BRF1: variants seen among roughly 807,000 people sequenced by gnomAD.
The protein encoded by BRF1 is transcription factor IIIB 90 kDa subunit.
BRF1 carries 59 observed loss-of-function variants against 81.7 expected under a neutral mutation model. The ratio of observed to expected loss-of-function variants is 0.72; its 90% CI spans 0.59 to 0.90. The LOEUF (loss-of-function observed/expected upper bound fraction) is 0.90, where lower values mean the gene tolerates loss of function less well. Ranked by LOEUF, BRF1 falls within the 40% of genes least tolerant of loss-of-function variation. The pLI, the probability that BRF1 is intolerant of heterozygous loss-of-function variation, is 0.00. For missense variants in BRF1, 1,050 were observed against 936.3 expected (o/e 1.12, Z -1.58); for synonymous variants, 491 against 395.6 (o/e 1.24, Z -2.86).
rs149145596 is a variant in BRF1, at chr14:105,258,721, C to T, written c.440-2172G>A. Among the ~76,000 whole-genome samples the T allele has an allele frequency of 3.3e-3, 501 of 152,006 alleles. 3 individuals are homozygous for T. Among genetic ancestry groups the T allele is most frequent in the East Asian group, 0.014 (73 of 5,166 alleles). Reference sequence around the variant, plus strand: ...GGCTGAGGTGGGAGAATTGCTTGAACCCAGGAAGCAGAAGTTGCAGTAAGC... The same window carrying T: ...GGCTGAGGTGGGAGAATTGCTTGAATCCAGGAAGCAGAAGTTGCAGTAAGC... On this transcript the variant is annotated intron_variant, in intron 3 of 17. Transcript: ENST00000547530.
Position 105,210,488 on chromosome 14 carries a change from G to A in BRF1, c.*63C>T, listed in dbSNP as rs1262380636. On this transcript the variant is annotated 3_prime_UTR_variant, in exon 18 of 18. Coordinates refer to ENST00000547530, the MANE Select transcript of BRF1 (RefSeq NM_001519.4). This position sits in a 1 kb window ranked among gnomAD's most constrained non-coding sequence, Gnocchi z 4.7. ...CTGCCTGCTGCGGTCCTGGAAGCCC[G>A]TCTGATGCTGAGGAGACCCGCGAGG... 16 of 1,589,208 alleles carry A rather than the reference G, an allele frequency of 1.0e-5. No homozygotes were observed. The highest frequency in any genetic ancestry group is 2.3e-5 in the East Asian group (1 of 44,292).
rs1044922883 is a variant in BRF1, at chr14:105,284,468, G to A, written c.265+1828C>T. Among the ~76,000 whole-genome samples the A allele has an allele frequency of 2.6e-5, 4 of 152,138 alleles. No individual in the cohort carries two copies. Among genetic ancestry groups the A allele is most frequent in the Admixed American group, 6.5e-5 (1 of 15,270 alleles). ...AGCAGAGGCAGGTGCTCAAGAGCCC[G>A]GCCTCCTGGAGATGGCCCAGGAGAA... is the stretch of plus-strand genomic sequence containing the variant. On this transcript the variant is annotated intron_variant, in intron 2 of 17. Coordinates refer to ENST00000547530, the MANE Select transcript of BRF1 (RefSeq NM_001519.4). The surrounding 1 kb of genome is among the most constrained non-coding windows in gnomAD (Gnocchi z 4.0).
rs2055359333 is a variant in BRF1 at position 105,248,916 on chromosome 14, C to T, written c.544+3591G>A. 4.1e-6 allele frequency: 4 copies of T among 986,794 alleles called. No homozygotes were observed. In the African/African-American group the frequency reaches 5.3e-5, roughly 13 times the overall value. The allele number at this position is 986,794 out of a possible 1,614,324, so 61.1% of individuals were successfully genotyped here. A position where few individuals can be genotyped will look rare whatever the true frequency, so the allele number is the denominator to read the frequency against. On this transcript the variant is annotated intron_variant, in intron 5 of 17. Transcript: ENST00000547530. ...TCCCGCCAGCGCCGCGGCCGCGGAC[C>T]TAGCCAACAGCAACGCCGGCGCCGC...
At chr14:105,313,944 C>T (rs1239661096) in intron 1 of BRF1, among the ~76,000 whole-genome samples, 1 of 152,258 alleles carries the variant, frequency 6.6e-6, no homozygotes, top group Non-Finnish European at 1.5e-5. Flanking sequence ...CACTGTTAAC[C>T]CCAGGGCCAG....
chr14:105,215,822 CAT>C (rs1392277102), intron 15 of BRF1, among the ~76,000 whole-genome samples: 1,796 of 145,132 alleles, frequency 0.012, 61 homozygotes, highest in African/African-American at 0.045. Flanking sequence ...GGCACACACA[CAT>C]GCACACACAC....
At position 105,209,584 on chromosome 14, in the gene BRF1, G is replaced by A. The variant is rs772132321; in HGVS notation, c.*967C>T. On this transcript the variant is annotated 3_prime_UTR_variant, in exon 18 of 18. Transcript: ENST00000547530. ...GCCAGAGCTGAGACCTCCTACGAGTGGTACTGGGGCCTTCCCACGAAGAGG... is the reference window on the plus strand; with the variant it reads ...GCCAGAGCTGAGACCTCCTACGAGTAGTACTGGGGCCTTCCCACGAAGAGG... 2.8e-6 allele frequency: 2 copies of A among 702,606 alleles called. No individual in the cohort carries two copies. Among genetic ancestry groups the A allele is most frequent in the Non-Finnish European group, 5.2e-6 (2 of 384,808 alleles). The allele number at this position is 702,606 out of a possible 1,614,324, so 43.5% of individuals were successfully genotyped here.
At chr14:105,280,858 GTGTGGATACAGCCCA>G (rs2057051746) in intron 2 of BRF1, among the ~76,000 whole-genome samples, 1 of 150,986 alleles carries the variant, frequency 6.6e-6, no homozygotes, top group Non-Finnish European at 1.5e-5. Flanking sequence ...GAGCCCGGGT[GTGTGGATACAGCCCA>G]CGTGACCCTG....
At chr14:105,273,711 A>G (rs1449450477) in intron 2 of BRF1, among the ~76,000 whole-genome samples, 2 of 152,200 alleles carry the variant, frequency 1.3e-5, no homozygotes, top group East Asian at 3.8e-4. Flanking sequence ...CACAGGCAGT[A>G]TGCTTGGTAA....
In BRF1 at chr14:105,248,202, C is replaced by A. The variant is rs897078396; in HGVS notation, c.544+4305G>T. ...TGCTGGCGTCCGTAGCAAGCTAAAT[C>A]GCGAAGCATCTGAACGAACGAGGAA... On this transcript the variant is annotated intron_variant, in intron 5 of 17. Coordinates refer to ENST00000547530, the MANE Select transcript of BRF1 (RefSeq NM_001519.4). 7.1e-6 allele frequency: 7 copies of A among 985,396 alleles called. No homozygotes were observed. The East Asian group carries it at 4.5e-4, about 64-fold the overall frequency. The allele number at this position is 985,396 out of a possible 1,614,324, so 61.0% of individuals were successfully genotyped here.
chr14:105,292,286 C>G (rs587613483), intron 1 of BRF1, among the ~76,000 whole-genome samples: 1 of 152,142 alleles, frequency 6.6e-6, no homozygotes, highest in Non-Finnish European at 1.5e-5. Context: ...CGGGTTCAAG[C>G]GATTCTCATG....
chr14:105,265,506 C>A (rs1033138285), intron 3 of BRF1, among the ~76,000 whole-genome samples: 1 of 152,108 alleles, frequency 6.6e-6, no homozygotes, highest in East Asian at 1.9e-4. Context: ...AATCCCAGCA[C>A]TTTGGGAGGC....
intron 15 of BRF1, among the ~76,000 whole-genome samples, chr14:105,216,433 A>G (rs1208782152): frequency 1.3e-5 from 2 of 152,202 alleles, no homozygotes; most frequent in African/African-American, 4.8e-5. Context: ...TACGCATGCC[A>G]GGAGCTGTGC....
intron 5 of BRF1, chr14:105,247,745 G>C: frequency 3.0e-6 from 3 of 985,508 alleles, no homozygotes; most frequent in Non-Finnish European, 3.6e-6. Flanking sequence ...TGTGTCCTCG[G>C]GGAGGAACCC....
chr14:105,299,669 C>A (rs1197540629), intron 1 of BRF1, among the ~76,000 whole-genome samples: 1 of 152,152 alleles, frequency 6.6e-6, no homozygotes, highest in Non-Finnish European at 1.5e-5. Context: ...ACATCACTAG[C>A]CAGTAGAGAA....
Position 105,262,717 on chromosome 14 carries a change from C to T in BRF1, c.440-6168G>A, listed in dbSNP as rs141508505. Among the ~76,000 whole-genome samples the T allele has an allele frequency of 5.3e-3, 806 of 152,318 alleles. 11 individuals carry two copies. The highest frequency in any genetic ancestry group is 0.018 in the African/African-American group (751 of 41,582). ...AGCTGCTATCCAGGCAGTCACCTGA[C>T]GCTCCCAGCCCCTGGCTTTCAAGCA... On this transcript the variant is annotated intron_variant, in intron 3 of 17. Transcript: ENST00000547530.
chr14:105,240,910 G>T (rs1274489852), intron 6 of BRF1, among the ~76,000 whole-genome samples: 3 of 151,740 alleles, frequency 2.0e-5, no homozygotes, highest in Non-Finnish European at 2.9e-5. Context: ...CAACAACCTA[G>T]CATCTCAGGA....
intron 1 of BRF1, among the ~76,000 whole-genome samples, chr14:105,299,122 G>A (rs10129527): frequency 0.046 from 7,035 of 152,062 alleles, 536 homozygotes; most frequent in African/African-American, 0.16. Context: ...GCAGTGAGCC[G>A]AGATCGAGCC....
intron 12 of BRF1, 168 bp downstream of exon 12, chr14:105,219,901 T>TGG: frequency 3.0e-6 from 2 of 676,460 alleles, no homozygotes; most frequent in Non-Finnish European, 4.9e-6. Context: ...GAAGAGAGTG[T>TGG]GGGGGGGGGT....
In BRF1 at chr14:105,309,450, T is replaced by C. The variant is rs1361888780; in HGVS notation, c.-162+5872A>G. Reference sequence around the variant, plus strand: ...GGATGTGCCAGGGCAAGTTTTGTCATTTCCCCTGGACTGGACATTCCTTTC... The same window carrying C: ...GGATGTGCCAGGGCAAGTTTTGTCACTTCCCCTGGACTGGACATTCCTTTC... On this transcript the variant is annotated intron_variant, in intron 1 of 17. Coordinates refer to the BRF1 transcript ENST00000327359. The surrounding 1 kb of genome is among the most constrained non-coding windows in gnomAD (Gnocchi z 4.0). 6.6e-6 allele frequency among the ~76,000 whole-genome samples: 1 copy of C among 152,240 alleles called. No individual in the cohort carries two copies. The highest frequency in any genetic ancestry group is 1.9e-4 in the East Asian group (1 of 5,202).
Sources: allele counts gnomAD v4.1 joint callset (sites outside exome capture counted in the v4.1 genomes callset), GRCh38; gene constraint gnomAD v4.1.1; non-coding constraint Gnocchi (gnomAD v3.1); transcripts MANE v1.5; gene names NCBI Gene and HGNC (gene_info 2026-07-23, HGNC 2026-07-21).